TNFAIP8: variants seen among roughly 807,000 people sequenced by gnomAD.
The protein encoded by TNFAIP8 is TNF alpha induced protein 8, also known as tumor necrosis factor alpha-induced protein 8.
TNFAIP8 carries 7 observed loss-of-function variants against 13.3 expected under a neutral mutation model. That is an observed-to-expected ratio of 0.52 (90% confidence interval 0.30 to 0.99). TNFAIP8 has a LOEUF of 0.99. TNFAIP8 is among the 50% of genes least tolerant of loss of function. The probability of loss-of-function intolerance (pLI) is 0.07; values close to 1 mark genes in which losing one functional copy is unlikely to be tolerated. For synonymous variants in TNFAIP8, 94 were observed against 87.6 expected, an observed-to-expected ratio of 1.07 and a Z score of -0.41; for missense variants, 258 against 236.9, an observed-to-expected ratio of 1.09 and a Z score of -0.58.
In TNFAIP8 at chr5:119,286,996, C is replaced by T. The variant is rs115122729; in HGVS notation, c.1+18089C>T. Among the ~76,000 whole-genome samples, 1,454 of 152,254 alleles carry T rather than the reference C, an allele frequency of 9.5e-3. 34 individuals carry two copies. The highest frequency in any genetic ancestry group is 0.034 in the African/African-American group (1,393 of 41,534). The stretch of plus-strand genomic sequence containing the variant: ...TTCTAAACCCTGCATTGTTCCAGAA[C>T]GCATCGCAAGCATCCCTTCCTTTGC... On this transcript the variant is annotated intron_variant, in intron 1 of 1. Coordinates refer to the TNFAIP8 transcript ENST00000274456.
rs140880610 is a variant in TNFAIP8 at position 119,365,795 on chromosome 5, A to G, written c.31+9674A>G. 3.6e-3 allele frequency among the ~76,000 whole-genome samples: 549 copies of G among 152,342 alleles called. 2 individuals carry two copies. Among genetic ancestry groups the G allele is most frequent in the African/African-American group, 0.013 (535 of 41,574 alleles). On this transcript the variant is annotated intron_variant, in intron 1 of 1. Coordinates refer to ENST00000504771, the MANE Select transcript of TNFAIP8 (RefSeq NM_014350.4). ...AAATGCATGCCTCCTCAATATCACA[A>G]GTCTAAACATTCGACTCAACATCTT...
chr5:119,278,290 A>C (rs976301395), intron 1 of TNFAIP8, among the ~76,000 whole-genome samples: 6 of 150,822 alleles, frequency 4.0e-5, no homozygotes, highest in African/African-American at 1.5e-4. Flanking sequence ...TGTGGGCGGA[A>C]ATAGCTTTCT....
At chr5:119,388,772 G>C (rs570495895) in intron 1 of TNFAIP8, among the ~76,000 whole-genome samples, 1 of 151,464 alleles carries the variant, frequency 6.6e-6, no homozygotes, top group Non-Finnish European at 1.5e-5. Flanking sequence ...TCAGCCCCCT[G>C]AGCAAATAGG....
At chr5:119,303,803 T>A (rs1394630) in intron 1 of TNFAIP8, among the ~76,000 whole-genome samples, 20,976 of 152,224 alleles carry the variant, frequency 0.14, 3,856 homozygotes, top group African/African-American at 0.42. Context: ...AAGTGAACCC[T>A]ATAGTAAGAA....
chr5:119,314,194 C>T (rs576636796), intron 1 of TNFAIP8, among the ~76,000 whole-genome samples: 1 of 152,000 alleles, frequency 6.6e-6, no homozygotes, highest in African/African-American at 2.4e-5. Context: ...AACAAACAAA[C>T]AAACAAACAA....
chr5:119,294,845 A>T (rs1358212568), intron 1 of TNFAIP8, among the ~76,000 whole-genome samples: 4 of 151,912 alleles, frequency 2.6e-5, no homozygotes, highest in African/African-American at 9.7e-5. Context: ...TCTTCTTTTG[A>T]GAAGTGTCTG....
intron 1 of TNFAIP8, among the ~76,000 whole-genome samples, chr5:119,392,188 A>T (rs937434022): frequency 2.6e-5 from 4 of 152,250 alleles, no homozygotes; most frequent in African/African-American, 9.6e-5. Flanking sequence ...AGGACAGCCA[A>T]ATTGGTAGGC....
Position 119,287,971 on chromosome 5 carries a change from G to A in TNFAIP8, c.1+19064G>A, listed in dbSNP as rs537857208. Among the ~76,000 whole-genome samples, 3 of 152,286 alleles carry A rather than the reference G, an allele frequency of 2.0e-5. No homozygotes were observed. The South Asian group carries it at 6.2e-4, about 32-fold the overall frequency. On this transcript the variant is annotated intron_variant, in intron 1 of 1. Coordinates refer to the TNFAIP8 transcript ENST00000274456. ...TAGACAGTCACCACCTTGTACGTGA[G>A]TAATTGGCCCATAAGCTCTTGTCTG...
chr5:119,353,598 C>T (rs186494787), upstream of TNFAIP8, among the ~76,000 whole-genome samples: 1 of 152,174 alleles, frequency 6.6e-6, no homozygotes, highest in East Asian at 1.9e-4. Context: ...TTCCTGAGGC[C>T]GATGGTGAAT....
In TNFAIP8 at chr5:119,276,454, T is replaced by A. The variant is rs1748448901; in HGVS notation, c.1+7547T>A. Among the ~76,000 whole-genome samples the A allele has an allele frequency of 6.6e-5, 10 of 152,130 alleles. No individual in the cohort carries two copies. In the South Asian group the frequency reaches 2.1e-3, roughly 31 times the overall value. ...TTTTTTTTATGGTTGCCTTTAGTGA[T>A]GATAGTGTTCTATATAAGTGTATTA... On this transcript the variant is annotated intron_variant, in intron 1 of 1. Transcript: ENST00000274456.
chr5:119,338,205 CACA>C (rs1750621605), intron 1 of TNFAIP8, among the ~76,000 whole-genome samples: 5 of 147,222 alleles, frequency 3.4e-5, no homozygotes, highest in African/African-American at 1.3e-4. Flanking sequence ...CACACACACA[CACA>C]CACCTTCTCA....
intron 1 of TNFAIP8, among the ~76,000 whole-genome samples, chr5:119,274,618 C>G (rs1022828091): frequency 5.9e-5 from 9 of 152,182 alleles, no homozygotes; most frequent in Admixed American, 1.3e-4. Flanking sequence ...CTGATAGTGC[C>G]TGAAGGAACA....
rs990666428 is a variant in TNFAIP8 at position 119,288,791 on chromosome 5, A to T, written c.1+19884A>T. 1.2e-4 allele frequency among the ~76,000 whole-genome samples: 18 copies of T among 152,358 alleles called. No homozygotes were observed. In the South Asian group the frequency reaches 1.7e-3, roughly 14 times the overall value. On this transcript the variant is annotated intron_variant, in intron 1 of 1. Transcript: ENST00000274456. Reference sequence around the variant, plus strand: ...GTGTTTAACATATGGAAAGAATTAGACTAAATACCAGAATCTCTTTGAAGT... The same window carrying T: ...GTGTTTAACATATGGAAAGAATTAGTCTAAATACCAGAATCTCTTTGAAGT...
Position 119,320,824 on chromosome 5 carries a change from C to T in TNFAIP8, c.1+51917C>T, listed in dbSNP as rs75308503. Among the ~76,000 whole-genome samples the T allele has an allele frequency of 6.9e-3, 1,054 of 152,078 alleles. 9 individuals are homozygous for T. The highest frequency in any genetic ancestry group is 0.024 in the African/African-American group (1,008 of 41,462). On this transcript the variant is annotated intron_variant, in intron 1 of 1. Transcript: ENST00000274456. ...AAGGGCCTCTACAGATGGAATTGCC[C>T]CAGGGCTTAGTCCTTGACTTTCTTC...
intron 1 of TNFAIP8, among the ~76,000 whole-genome samples, chr5:119,290,911 G>A (rs1748963019): frequency 1.3e-5 from 2 of 152,174 alleles, no homozygotes; most frequent in African/African-American, 2.4e-5. Context: ...GGTCAGGTAG[G>A]AAGGGGTCAG....
chr5:119,316,884 G>A (rs192202684), intron 1 of TNFAIP8, among the ~76,000 whole-genome samples: 1 of 152,208 alleles, frequency 6.6e-6, no homozygotes, highest in East Asian at 1.9e-4. Flanking sequence ...GGTATCTAGT[G>A]GGTAGAAGAC....
chr5:119,270,781 A>T (rs1303346747), intron 1 of TNFAIP8, among the ~76,000 whole-genome samples: 1 of 152,228 alleles, frequency 6.6e-6, no homozygotes, highest in African/African-American at 2.4e-5. Flanking sequence ...GGATTGACAT[A>T]TGTAGACTTT....
chr5:119,375,793 G>T (rs1752256496), intron 1 of TNFAIP8, among the ~76,000 whole-genome samples: 1 of 152,128 alleles, frequency 6.6e-6, no homozygotes, highest in Admixed American at 6.5e-5. Context: ...GGATCTTAAA[G>T]TAAGGATTAT....
At chr5:119,356,781 C>G (rs534440927) in intron 1 of TNFAIP8, among the ~76,000 whole-genome samples, 12 of 151,660 alleles carry the variant, frequency 7.9e-5, no homozygotes, top group African/African-American at 2.9e-4. Context: ...GGTGACAGGG[C>G]TGGAAAAGCT....
Sources: gnomAD v4.1 joint callset for allele counts (sites outside exome capture counted in the v4.1 genomes callset) on GRCh38, gnomAD v4.1.1 for gene constraint, MANE v1.5 for transcripts, NCBI Gene and HGNC (gene_info 2026-07-23, HGNC 2026-07-21) for gene names.